The following METTL15 variants were observed in gnomAD, a reference collection of about 807,000 sequenced individuals.
METTL15 encodes 12S rRNA N(4)-cytidine methyltransferase METTL15.
A neutral mutation model predicts 38.3 loss-of-function variants in METTL15; 34 were observed. That is an observed-to-expected ratio of 0.89 (90% CI 0.68 to 1.18). The LOEUF (loss-of-function observed/expected upper bound fraction) is 1.18. Ranked by LOEUF, METTL15 falls within the 50% of genes most tolerant of loss-of-function variation. METTL15 has a pLI of 0.00. For missense variants in METTL15, 438 were observed against 498.4 expected, an observed-to-expected ratio of 0.88 and a Z score of 1.15; for synonymous variants, 162 against 170.9, an observed-to-expected ratio of 0.95 and a Z score of 0.41.
rs542566957 is a variant in METTL15 at position 28,125,294 on chromosome 11, C to CA, written c.270+11691dup. Among the ~76,000 whole-genome samples, 25 of 152,092 alleles carry CA rather than the reference C, an allele frequency of 1.6e-4. No homozygotes were observed. The East Asian group carries it at 4.4e-3, about 27-fold the overall frequency. On this transcript the variant is annotated intron_variant, in intron 3 of 6. Coordinates refer to ENST00000407364, the MANE Select transcript of METTL15 (RefSeq NM_001113528.2). ...TAAAATTTCTTTGAGCAATTTATAT[C>CA]AGGGATATATCAGTTTTGTTTAAGG...
chr11:28,488,303 A>G (rs1431900816), intron 6 of METTL15, among the ~76,000 whole-genome samples: 2 of 152,146 alleles, frequency 1.3e-5, no homozygotes, highest in African/African-American at 4.8e-5. Flanking sequence ...ATCTCAAACC[A>G]AGGAATAACA....
intron 4 of METTL15, among the ~76,000 whole-genome samples, chr11:28,251,562 C>T (rs1317530067): frequency 6.6e-6 from 1 of 151,968 alleles, no homozygotes; most frequent in Non-Finnish European, 1.5e-5. Flanking sequence ...TCACAAAGCC[C>T]CATTTGTCAC....
chr11:28,480,041 A>G (rs1239306594), intron 6 of METTL15, among the ~76,000 whole-genome samples: 1 of 152,190 alleles, frequency 6.6e-6, no homozygotes, highest in Non-Finnish European at 1.5e-5. Flanking sequence ...AAAAATGAAA[A>G]CATGCTAGAA....
chr11:28,387,357 A>G (rs939667136), intron 5 of METTL15, among the ~76,000 whole-genome samples: 1 of 151,898 alleles, frequency 6.6e-6, no homozygotes, highest in Non-Finnish European at 1.5e-5. Context: ...GAAAAAGGAG[A>G]TATTACAACT....
chr11:28,137,452 TAGCAATTTTTA>T (rs926493092), intron 3 of METTL15, among the ~76,000 whole-genome samples: 3 of 152,214 alleles, frequency 2.0e-5, no homozygotes, highest in Non-Finnish European at 4.4e-5. Flanking sequence ...CAGTAACTGT[TAGCAATTTTTA>T]ATTTTAGTGT....
chr11:28,231,941 A>G (rs1291465096), intron 4 of METTL15, among the ~76,000 whole-genome samples: 2 of 151,880 alleles, frequency 1.3e-5, no homozygotes, highest in East Asian at 1.9e-4. Context: ...TATAGTACAT[A>G]CTCAATATCA....
rs192650268 is a variant in METTL15, at chr11:28,183,089, A to G, written c.271-27973A>G. On this transcript the variant is annotated intron_variant, in intron 3 of 6. Coordinates refer to ENST00000407364, the MANE Select transcript of METTL15 (RefSeq NM_001113528.2). ...TTATTGGTGTATAGAAGTGCTTGTG[A>G]TTTTTGCACATTGATTTTGTATCCT... is the stretch of plus-strand genomic sequence containing the variant. Among the ~76,000 whole-genome samples, 1,197 of 152,070 alleles carry G rather than the reference A, an allele frequency of 7.9e-3. 6 individuals are homozygous for G. The highest frequency in any genetic ancestry group is 0.013 in the Non-Finnish European group (851 of 67,982).
At chr11:28,145,554 T>C (rs771794538) in intron 3 of METTL15, 1 of 152,054 alleles carries the variant, frequency 6.6e-6, no homozygotes, top group Non-Finnish European at 1.5e-5. Flanking sequence ...CCTCGTCTTG[T>C]GCATTCTATT....
At chr11:28,201,900 T>C (rs150144825) in intron 3 of METTL15, among the ~76,000 whole-genome samples, 1 of 152,260 alleles carries the variant, frequency 6.6e-6, no homozygotes, top group African/African-American at 2.4e-5. Context: ...CAATTTCACA[T>C]ATTCTGTATG....
chr11:28,472,837 G>C (rs1851314228), intron 6 of METTL15, among the ~76,000 whole-genome samples: 1 of 152,174 alleles, frequency 6.6e-6, no homozygotes, highest in South Asian at 2.1e-4. Context: ...TCTTTGTGAT[G>C]CTATTCCTGA....
At chr11:28,208,450 T>G (rs1348615127) in intron 3 of METTL15, among the ~76,000 whole-genome samples, 1 of 152,186 alleles carries the variant, frequency 6.6e-6, no homozygotes, top group Middle Eastern at 3.2e-3. Flanking sequence ...TGAGTTCTAG[T>G]TTGATTGCAC....
chr11:28,436,415 T>C (rs1297005802), intron 6 of METTL15, among the ~76,000 whole-genome samples: 1 of 152,230 alleles, frequency 6.6e-6, no homozygotes. Context: ...TATGGATTTA[T>C]AGAAGATTTT....
chr11:28,504,700 G>A (rs6484373), intron 6 of METTL15, among the ~76,000 whole-genome samples: 66,074 of 152,072 alleles, frequency 0.43, 15,130 homozygotes, highest in Admixed American at 0.54. Flanking sequence ...CAGAGCCAGC[G>A]TGGCAAAAGC....
chr11:28,142,493 A>G (rs1849733891), intron 3 of METTL15, among the ~76,000 whole-genome samples: 1 of 152,210 alleles, frequency 6.6e-6, no homozygotes, highest in African/African-American at 2.4e-5. Context: ...GGAAAGTCAG[A>G]TAACTTTTTG....
chr11:28,320,510 A>G (rs1047726071), intron 6 of METTL15, among the ~76,000 whole-genome samples: 3 of 152,072 alleles, frequency 2.0e-5, no homozygotes, highest in Non-Finnish European at 2.9e-5. Flanking sequence ...AGTGTGAGCT[A>G]TGTCATGCCA....
chr11:28,146,981 A>T (rs746773805), intron 3 of METTL15, among the ~76,000 whole-genome samples: 4 of 151,940 alleles, frequency 2.6e-5, no homozygotes, highest in Non-Finnish European at 5.9e-5. Context: ...GGTGTTCTTC[A>T]TGTTTATAGA....
chr11:28,210,016 A>G (rs1852558298), intron 3 of METTL15, among the ~76,000 whole-genome samples: 1 of 152,034 alleles, frequency 6.6e-6, no homozygotes, highest in Admixed American at 6.6e-5. Context: ...ACTTTGAGGG[A>G]ATATGTGGAG....
At chr11:28,520,556 A>C (rs1428291296) in intron 6 of METTL15, among the ~76,000 whole-genome samples, 1 of 152,084 alleles carries the variant, frequency 6.6e-6, no homozygotes, top group East Asian at 1.9e-4. Flanking sequence ...CCGAGAAAAT[A>C]ACTTATGGTT....
chr11:28,408,184 A>G (rs191920096), intron 5 of METTL15, among the ~76,000 whole-genome samples: 32 of 152,238 alleles, frequency 2.1e-4, no homozygotes, highest in Admixed American at 3.3e-4. Flanking sequence ...GGGAAACATC[A>G]TGATAAATAG....
Sources: gnomAD v4.1 joint callset for allele counts (sites outside exome capture counted in the v4.1 genomes callset) on GRCh38, gnomAD v4.1.1 for gene constraint, MANE v1.5 for transcripts, NCBI Gene and HGNC (gene_info 2026-07-23, HGNC 2026-07-21) for gene names.